The following PACRG variants were observed in gnomAD, a reference collection of about 807,000 sequenced individuals.
PACRG encodes the protein parkin coregulated, also known as parkin coregulated gene protein.
PACRG carries 29 observed loss-of-function variants against 29.7 expected under a neutral mutation model. The ratio of observed to expected loss-of-function variants is 0.98; its 90% CI spans 0.73 to 1.33. PACRG has a LOEUF of 1.33. PACRG is among the 40% of genes most tolerant of loss of function. PACRG has a pLI of 0.00. For synonymous variants in PACRG, 116 were observed against 118.7 expected (o/e 0.98, Z 0.15); for missense variants, 279 against 316.2 (o/e 0.88, Z 0.89).
chr6:163,225,123 T>A (rs1781735681), intron 4 of PACRG, among the ~76,000 whole-genome samples: 1 of 152,188 alleles, frequency 6.6e-6, no homozygotes, highest in African/African-American at 2.4e-5. Flanking sequence ...ATCAAGGAGA[T>A]GCAAATTAAA....
intron 4 of PACRG, among the ~76,000 whole-genome samples, chr6:163,281,439 AG>A (rs1464388749): frequency 6.6e-6 from 1 of 152,214 alleles, no homozygotes; most frequent in Non-Finnish European, 1.5e-5. Context: ...TACCTTAGAA[AG>A]GGTAAGCTTG....
intron 4 of PACRG, among the ~76,000 whole-genome samples, chr6:163,120,632 AC>A (rs1816224992): frequency 1.3e-5 from 2 of 152,048 alleles, no homozygotes; most frequent in Admixed American, 6.5e-5. Context: ...ATCTGCGTCT[AC>A]TTTCTCCTCA....
intron 1 of PACRG, among the ~76,000 whole-genome samples, chr6:162,737,800 T>C (rs59112370): frequency 0.25 from 37,673 of 151,932 alleles, 5,462 homozygotes; most frequent in African/African-American, 0.39. Context: ...ATAATGATCA[T>C]TGTATAACAG....
chr6:163,170,024 A>G (rs1272104138), intron 4 of PACRG, among the ~76,000 whole-genome samples: 3 of 152,072 alleles, frequency 2.0e-5, no homozygotes, highest in Non-Finnish European at 4.4e-5. Context: ...GAGCCCACCC[A>G]TGTGACTTCA....
chr6:162,759,214 A>G (rs1782162006), intron 1 of PACRG, among the ~76,000 whole-genome samples: 1 of 152,240 alleles, frequency 6.6e-6, no homozygotes. Context: ...CCGTTGAAGA[A>G]AACAAATTGG....
chr6:163,232,076 T>C (rs576068359), intron 4 of PACRG, among the ~76,000 whole-genome samples: 1 of 152,234 alleles, frequency 6.6e-6, no homozygotes. Flanking sequence ...TTGCTGGGAC[T>C]CTCAGGCCAG....
At chr6:163,256,726 A>C (rs185516787) in intron 4 of PACRG, among the ~76,000 whole-genome samples, 188 of 152,320 alleles carry the variant, frequency 1.2e-3, no homozygotes, top group Non-Finnish European at 1.9e-3. Flanking sequence ...GTTCATGTAG[A>C]GACTTCACTG....
At chr6:162,914,077 C>T (rs1455918556) in intron 2 of PACRG, among the ~76,000 whole-genome samples, 2 of 152,096 alleles carry the variant, frequency 1.3e-5, no homozygotes. Flanking sequence ...TTGATGAAAT[C>T]CAGCTTATCA....
chr6:162,943,526 C>T lies in PACRG; in HGVS notation c.292-118624C>T, dbSNP rs531562071. Among the ~76,000 whole-genome samples the T allele has an allele frequency of 7.2e-5, 11 of 152,278 alleles. No individual in the cohort carries two copies. In the South Asian group the frequency reaches 1.2e-3, roughly 17 times the overall value. ...AACCCTGCTCTCCTCAGTAGCAGGG[C>T]CGCAGTGCAGCCGCTGGTTCCCCAA... is the stretch of plus-strand genomic sequence containing the variant. On this transcript the variant is annotated intron_variant, in intron 2 of 4. Coordinates refer to ENST00000366888, the MANE Select transcript of PACRG (RefSeq NM_001080379.2).
At chr6:162,732,810 A>G (rs1779875221) in intron 1 of PACRG, among the ~76,000 whole-genome samples, 1 of 152,080 alleles carries the variant, frequency 6.6e-6, no homozygotes, top group Admixed American at 6.5e-5. Context: ...TGCTCCTATC[A>G]CTATTCAGAG....
rs573205226 is a variant in PACRG, at chr6:163,191,295, G to T, written c.613+101887G>T. On this transcript the variant is annotated intron_variant, in intron 4 of 4. Coordinates refer to ENST00000366888, the MANE Select transcript of PACRG (RefSeq NM_001080379.2). ...CCCCCCAAACCTACTTCCTTCCCAGGCTTCAGATGAAATTTCTATGAATGA... is the reference window on the plus strand; with the variant it reads ...CCCCCCAAACCTACTTCCTTCCCAGTCTTCAGATGAAATTTCTATGAATGA... Among the ~76,000 whole-genome samples the T allele has an allele frequency of 2.6e-4, 40 of 152,062 alleles. 1 individual carries two copies. In the South Asian group the frequency reaches 7.9e-3, roughly 30 times the overall value.
rs539281360 is a variant in PACRG at position 162,913,274 on chromosome 6, C to T, written c.291+98993C>T. On this transcript the variant is annotated intron_variant, in intron 2 of 4. Coordinates refer to ENST00000366888, the MANE Select transcript of PACRG (RefSeq NM_001080379.2). ...CCTCTGTCCCCAGGTAACCACTGAC[C>T]TAGCTTTCTACATAGAGGTAATCAT... 2.6e-5 allele frequency among the ~76,000 whole-genome samples: 4 copies of T among 152,304 alleles called. No homozygotes were observed. The South Asian group carries it at 8.3e-4, about 32-fold the overall frequency.
intron 2 of PACRG, among the ~76,000 whole-genome samples, chr6:162,896,469 C>T (rs187656918): frequency 2.2e-4 from 34 of 152,246 alleles, no homozygotes; most frequent in Non-Finnish European, 1.3e-4. Context: ...GCAGCAGACC[C>T]ACGAGGGTGG....
chr6:162,942,008 T>C lies in PACRG; in HGVS notation c.292-120142T>C, dbSNP rs59851538. Among the ~76,000 whole-genome samples the C allele has an allele frequency of 4.1e-3, 626 of 152,284 alleles. 5 individuals carry two copies. The highest frequency in any genetic ancestry group is 0.014 in the African/African-American group (589 of 41,558). Reference sequence around the variant, plus strand: ...ATTCAAATCCCAAGCTGCTATTCTTTTCCATGTCAAGCACTTGAGCTATTC... The same window carrying C: ...ATTCAAATCCCAAGCTGCTATTCTTCTCCATGTCAAGCACTTGAGCTATTC... On this transcript the variant is annotated intron_variant, in intron 2 of 4. Coordinates refer to ENST00000366888, the MANE Select transcript of PACRG (RefSeq NM_001080379.2).
chr6:163,068,925 AT>A (rs1056475172), intron 3 of PACRG, among the ~76,000 whole-genome samples: 7 of 151,732 alleles, frequency 4.6e-5, no homozygotes, highest in African/African-American at 1.7e-4. Flanking sequence ...CTGACTTATT[AT>A]TTTTTTGACT....
chr6:163,163,676 T>C (rs1454184521), intron 4 of PACRG, among the ~76,000 whole-genome samples: 1 of 152,232 alleles, frequency 6.6e-6, no homozygotes, highest in Non-Finnish European at 1.5e-5. Flanking sequence ...TCTGTGTTAT[T>C]GTATTTTATT....
intron 2 of PACRG, among the ~76,000 whole-genome samples, chr6:163,011,719 A>C (rs1208748990): frequency 6.6e-6 from 1 of 152,232 alleles, no homozygotes; most frequent in Non-Finnish European, 1.5e-5. Flanking sequence ...AAACAGCTTA[A>C]AACACAAACA....
At chr6:163,244,277 T>C (rs1231024804) in intron 4 of PACRG, among the ~76,000 whole-genome samples, 2 of 152,194 alleles carry the variant, frequency 1.3e-5, no homozygotes, top group Non-Finnish European at 2.9e-5. Context: ...TTCATTTGCA[T>C]TCAGTTTGGG....
chr6:162,751,299 C>G (rs1457416123), intron 1 of PACRG, among the ~76,000 whole-genome samples: 4 of 152,022 alleles, frequency 2.6e-5, no homozygotes, highest in Admixed American at 2.6e-4. Context: ...AATTTCATAT[C>G]TAAGCATTTT....
Sources: allele counts gnomAD v4.1 joint callset (sites outside exome capture counted in the v4.1 genomes callset), GRCh38; gene constraint gnomAD v4.1.1; transcripts MANE v1.5; gene names NCBI Gene and HGNC (gene_info 2026-07-23, HGNC 2026-07-21).